The following RCVRN variants were observed in gnomAD, a reference collection of about 807,000 sequenced individuals.
RCVRN encodes the protein cancer associated retinopathy antigen.
In RCVRN, 23 loss-of-function variants were observed where a neutral mutation model predicts 20.4. The ratio of observed to expected loss-of-function variants is 1.13; its 90% CI spans 0.81 to 1.60. The LOEUF is 1.60. Ranked by LOEUF, RCVRN falls within the 40% of genes most tolerant of loss-of-function variation. The pLI is 0.00. For missense variants in RCVRN, 254 were observed against 254.2 expected, an observed-to-expected ratio of 1.00 and a Z score of 0.00; for synonymous variants, 105 against 105.9, an observed-to-expected ratio of 0.99 and a Z score of 0.05.
chr17:9,899,621 T>C lies in RCVRN; in HGVS notation c.493+1368A>G, dbSNP rs904483311. 2.0e-5 allele frequency among the ~76,000 whole-genome samples: 3 copies of C among 152,092 alleles called. No homozygotes were observed. The highest frequency in any genetic ancestry group is 7.2e-5 in the African/African-American group (3 of 41,418). On this transcript the variant is annotated intron_variant, in intron 2 of 2. Coordinates refer to ENST00000226193, the MANE Select transcript of RCVRN (RefSeq NM_002903.3). The surrounding 1 kb of genome is among the most constrained non-coding windows in gnomAD (Gnocchi z 4.6). ...CAAAAGAAGGCATCTTGGTAGCCAG[T>C]GTCTGTGCAAGGAGGAGAGAGTGCT...
chr17:9,903,407 T>C (rs2067349539), intron 1 of RCVRN, among the ~76,000 whole-genome samples: 1 of 152,194 alleles, frequency 6.6e-6, no homozygotes, highest in African/African-American at 2.4e-5. Flanking sequence ...AGGGAAACTG[T>C]CAGGAGCCGG....
At position 9,904,759 on chromosome 17, in the gene RCVRN, C is replaced by T. The variant is rs774019214; in HGVS notation, c.381+41G>A. 2 of 1,586,828 alleles carry T rather than the reference C, an allele frequency of 1.3e-6. No individual in the cohort carries two copies. Among genetic ancestry groups the T allele is most frequent in the South Asian group, 1.2e-5 (1 of 86,366 alleles). On this transcript the variant is annotated intron_variant, in intron 1 of 2. Transcript: ENST00000226193. The surrounding 1 kb of genome is among the most constrained non-coding windows in gnomAD (Gnocchi z 5.8). ...GCAGGGGACCCCCAGCCCGGAGCGA[C>T]CCCGGCACCGCCCAGCCAGAAGGGG...
chr17:9,901,533 C>A, intron 1 of RCVRN, among the ~76,000 whole-genome samples: 1 of 146,236 alleles, frequency 6.8e-6, no homozygotes, highest in Non-Finnish European at 1.6e-5. Flanking sequence ...AGGTCGACAG[C>A]TTTGAGAAGT....
rs1381583171 is a variant in RCVRN at position 9,898,179 on chromosome 17, A to C, written c.519T>G (p.Ile173Met). The C allele has an allele frequency of 6.2e-7, 1 of 1,613,204 alleles. No homozygotes were observed. Among genetic ancestry groups the C allele is most frequent in the South Asian group, 1.1e-5 (1 of 91,068 alleles). ...DDDKLTEKEF[I>M]EGTLANKEIL... Reference sequence around the variant, plus strand: ...TTTCCTTATTGGCCAGTGTCCCCTCAATGAATTCTTTCTCTGTAAGTTTAT... The same window carrying C: ...TTTCCTTATTGGCCAGTGTCCCCTCCATGAATTCTTTCTCTGTAAGTTTAT... The change falls in exon 3 of 3, where the codon ATT (isoleucine) becomes ATG (methionine). Residue 173 changes from isoleucine to methionine, a missense_variant. Coordinates refer to ENST00000226193, the MANE Select transcript of RCVRN (RefSeq NM_002903.3).
rs2067321729 is a variant in RCVRN at position 9,897,380 on chromosome 17, T to G, written c.*715A>C. The G allele has an allele frequency of 6.7e-6, 1 of 149,750 alleles. No individual in the cohort carries two copies. The highest frequency in any genetic ancestry group is 1.5e-5 in the Non-Finnish European group (1 of 67,372). 9.3% of individuals were successfully genotyped at this position (149,750 alleles called of 1,614,324 possible). ...TTGAGACTTCCCCACCCCGACCCCG[T>G]CCCCCGCCTCGTGTGCAGTGGTTCT... On this transcript the variant is annotated 3_prime_UTR_variant, in exon 3 of 3. Transcript: ENST00000226193.
rs1889912084 is a variant in RCVRN at position 9,904,475 on chromosome 17, GT to G, written c.381+324del. On this transcript the variant is annotated intron_variant, in intron 1 of 2. Coordinates refer to ENST00000226193, the MANE Select transcript of RCVRN (RefSeq NM_002903.3). The surrounding 1 kb of genome is among the most constrained non-coding windows in gnomAD (Gnocchi z 5.8). The stretch of plus-strand genomic sequence containing the variant: ...AACTGTGCTATGACGTCACTAGGCA[GT>G]AGGAATTTTTCAGCTCCATTACAAT... Among the ~76,000 whole-genome samples, 1 of 152,234 alleles carries G rather than the reference GT, an allele frequency of 6.6e-6. No homozygotes were observed. Among genetic ancestry groups the G allele is most frequent in the Non-Finnish European group, 1.5e-5 (1 of 68,042 alleles).
Position 9,904,772 on chromosome 17 carries a change from C to A in RCVRN, c.381+28G>T. ...AGCCCGGAGCGACCCCGGCACCGCCCAGCCAGAAGGGGAGAGGGGAGACTG... is the reference window on the plus strand; with the variant it reads ...AGCCCGGAGCGACCCCGGCACCGCCAAGCCAGAAGGGGAGAGGGGAGACTG... On this transcript the variant is annotated intron_variant, in intron 1 of 2. Coordinates refer to ENST00000226193, the MANE Select transcript of RCVRN (RefSeq NM_002903.3). This position sits in a 1 kb window ranked among gnomAD's most constrained non-coding sequence, Gnocchi z 5.8. The A allele has an allele frequency of 6.3e-7, 1 of 1,598,816 alleles. No homozygotes were observed. Among genetic ancestry groups the A allele is most frequent in the South Asian group, 1.1e-5 (1 of 89,214 alleles).
chr17:9,903,749 G>A (rs2067351113), intron 1 of RCVRN, among the ~76,000 whole-genome samples: 1 of 152,182 alleles, frequency 6.6e-6, no homozygotes, highest in African/African-American at 2.4e-5. Flanking sequence ...GAACATCATA[G>A]AGCATCCTTG....
Position 9,904,408 on chromosome 17 carries a change from G to A in RCVRN, c.381+392C>T, listed in dbSNP as rs879614773. On this transcript the variant is annotated intron_variant, in intron 1 of 2. Transcript: ENST00000226193. The surrounding 1 kb of genome is among the most constrained non-coding windows in gnomAD (Gnocchi z 5.8). ...TACCGTACACAACTACAGACTTTAC[G>A]GATACACTTAGGCTACACTAAATGC... 6.6e-4 allele frequency among the ~76,000 whole-genome samples: 100 copies of A among 152,208 alleles called. No homozygotes were observed. The highest frequency in any genetic ancestry group is 7.6e-4 in the Non-Finnish European group (52 of 68,004).
chr17:9,901,787 A>G (rs1386457340), intron 1 of RCVRN, among the ~76,000 whole-genome samples: 1 of 152,246 alleles, frequency 6.6e-6, no homozygotes. Context: ...GCCTCAGGAA[A>G]GACTGCAAAA....
intron 2 of RCVRN, among the ~76,000 whole-genome samples, chr17:9,898,536 T>G (rs1486305555): frequency 6.6e-6 from 1 of 152,244 alleles, no homozygotes; most frequent in Non-Finnish European, 1.5e-5. Flanking sequence ...ACTTCAATAA[T>G]TAATAACTAT....
rs1597413981 is a variant in RCVRN, at chr17:9,897,848, T to G, written c.*247A>C. 2.1e-6 allele frequency: 1 copy of G among 475,024 alleles called. No individual in the cohort carries two copies. Among genetic ancestry groups the G allele is most frequent in the Non-Finnish European group, 3.8e-6 (1 of 263,456 alleles). The allele number at this position is 475,024 out of a possible 1,614,324, so 29.4% of individuals were successfully genotyped here. A position where few individuals can be genotyped will look rare whatever the true frequency, so the allele number is the denominator to read the frequency against. ...ATGGGCTGGTGGACAGAGGGAGGGGTGGGACCGGGCATGATGGGAGGGAAT... is the reference window on the plus strand; with the variant it reads ...ATGGGCTGGTGGACAGAGGGAGGGGGGGGACCGGGCATGATGGGAGGGAAT... On this transcript the variant is annotated 3_prime_UTR_variant, in exon 3 of 3. Transcript: ENST00000226193.
In RCVRN at chr17:9,901,041, C is replaced by T. The variant is rs775397108; in HGVS notation, c.441G>A (p.Thr147=). The T allele has an allele frequency of 1.2e-5, 20 of 1,609,942 alleles. No individual in the cohort carries two copies. The highest frequency in any genetic ancestry group is 8.9e-5 in the East Asian group (4 of 44,774). ...AGATCTTCTCGGCTCGCTTTTCCGG[C>T]GTGTTTTCATCGTCTGGAAGGAGCT... ...DVKLLPDDEN[T]PEKRAEKIWK... is the part of the protein sequence containing the mutation. Residue 147 remains threonine (T), a synonymous_variant, in exon 2 of 3, where the codon ACG becomes ACA. Coordinates refer to ENST00000226193, the MANE Select transcript of RCVRN (RefSeq NM_002903.3).
rs531399833 is a variant in RCVRN at position 9,903,237 on chromosome 17, A to T, written c.381+1563T>A. Reference sequence around the variant, plus strand: ...CCTAGGTTTCTAAATTTCATGAGTTACTTTTATATCAGATAAACCATTTTC... The same window carrying T: ...CCTAGGTTTCTAAATTTCATGAGTTTCTTTTATATCAGATAAACCATTTTC... On this transcript the variant is annotated intron_variant, in intron 1 of 2. Coordinates refer to ENST00000226193, the MANE Select transcript of RCVRN (RefSeq NM_002903.3). Among the ~76,000 whole-genome samples, 187 of 152,332 alleles carry T rather than the reference A, an allele frequency of 1.2e-3. 1 individual carries two copies. The highest frequency in any genetic ancestry group is 4.2e-3 in the African/African-American group (175 of 41,586).
At chr17:9,898,489 C>T (rs540851860) in intron 2 of RCVRN, among the ~76,000 whole-genome samples, 11 of 152,312 alleles carry the variant, frequency 7.2e-5, no homozygotes, top group South Asian at 4.1e-4. Flanking sequence ...GTGTCTCTTC[C>T]GATTGGCCGG....
In RCVRN at chr17:9,899,693, G is replaced by A. The variant is rs1372306149; in HGVS notation, c.493+1296C>T. 6.6e-6 allele frequency among the ~76,000 whole-genome samples: 1 copy of A among 152,192 alleles called. No homozygotes were observed. Among genetic ancestry groups the A allele is most frequent in the African/African-American group, 2.4e-5 (1 of 41,450 alleles). On this transcript the variant is annotated intron_variant, in intron 2 of 2. Coordinates refer to ENST00000226193, the MANE Select transcript of RCVRN (RefSeq NM_002903.3). The surrounding 1 kb of genome is among the most constrained non-coding windows in gnomAD (Gnocchi z 4.6). ...GGCCGATGAGGGAAAGGTGGGTAAA[G>A]TACCAAGGCGCGAATTTAAGGAGGC...
Position 9,897,412 on chromosome 17 carries a change from A to C in RCVRN, c.*683T>G, listed in dbSNP as rs1333753540. On this transcript the variant is annotated 3_prime_UTR_variant, in exon 3 of 3. Transcript: ENST00000226193. The stretch of plus-strand genomic sequence containing the variant: ...CCTCGTGTGCAGTGGTTCTGAATTT[A>C]AATCTCCCTTCGTCAGGGATGTGGT... 1 of 146,350 alleles carries C rather than the reference A, an allele frequency of 6.8e-6. No individual in the cohort carries two copies. Among genetic ancestry groups the C allele is most frequent in the East Asian group, 2.0e-4 (1 of 4,972 alleles). The allele number at this position is 146,350 out of a possible 1,614,324, so 9.1% of individuals were successfully genotyped here.
At chr17:9,903,209 T>A (rs917138887) in intron 1 of RCVRN, among the ~76,000 whole-genome samples, 11 of 152,238 alleles carry the variant, frequency 7.2e-5, no homozygotes, top group Admixed American at 5.9e-4. Context: ...TTAGTCTCTT[T>A]TGCCTAGGTT....
Position 9,901,027 on chromosome 17 carries a change from G to A in RCVRN, c.455C>T (p.Ala152Val). 6.2e-7 allele frequency: 1 copy of A among 1,608,618 alleles called. No individual in the cohort carries two copies. Among genetic ancestry groups the A allele is most frequent in the Non-Finnish European group, 8.5e-7 (1 of 1,175,784 alleles). Residue 152 changes from alanine to valine, a missense_variant, in exon 2 of 3, where the codon GCC (alanine) becomes GTC (valine). Physicochemically the swap from Ala to Val is moderately conservative, Grantham distance 64 (BLOSUM62 0). Transcript: ENST00000226193. ...PDDENTPEKR[A>V]EKIWKYFGKN... Reference sequence around the variant, plus strand: ...TCCAAAGTACTTCCAGATCTTCTCGGCTCGCTTTTCCGGCGTGTTTTCATC... The same window carrying A: ...TCCAAAGTACTTCCAGATCTTCTCGACTCGCTTTTCCGGCGTGTTTTCATC...
Sources: gnomAD v4.1 joint callset for allele counts (sites outside exome capture counted in the v4.1 genomes callset) on GRCh38, gnomAD v4.1.1 for gene constraint, Gnocchi (gnomAD v3.1) non-coding constraint, MANE v1.5 for transcripts, NCBI Gene and HGNC (gene_info 2026-07-23, HGNC 2026-07-21) for gene names.